Variants in DNAI7 observed in about 807,000 individuals in gnomAD.
The protein encoded by DNAI7 is dynein axonemal intermediate chain 7.
Under a neutral mutation model 86.6 loss-of-function variants are expected in DNAI7, and 78 were observed. The observed-to-expected ratio is 0.90, with a 90% CI of 0.75 to 1.09. DNAI7 has a LOEUF of 1.09. Ranked by LOEUF, DNAI7 falls within the 50% of genes least tolerant of loss-of-function variation. The pLI, the probability that DNAI7 is intolerant of heterozygous loss-of-function variation, is 0.00. For synonymous variants in DNAI7, 274 were observed against 273.0 expected, an observed-to-expected ratio of 1.00 and a Z score of -0.04; for missense variants, 753 against 810.2, an observed-to-expected ratio of 0.93 and a Z score of 0.86.
intron 2 of DNAI7, among the ~76,000 whole-genome samples, chr12:25,169,382 T>G (rs1947868694): frequency 6.6e-6 from 1 of 152,156 alleles, no homozygotes. Context: ...TACCCAAATC[T>G]TATAAAACGG....
At chr12:25,152,862 G>C (rs1049448242) in intron 6 of DNAI7, among the ~76,000 whole-genome samples, 1 of 152,186 alleles carries the variant, frequency 6.6e-6, no homozygotes, top group East Asian at 1.9e-4. Context: ...GGTGTCAGAA[G>C]TGTTAAAAGT....
intron 7 of DNAI7, among the ~76,000 whole-genome samples, chr12:25,147,833 G>A (rs980420212): frequency 2.6e-5 from 4 of 152,032 alleles, no homozygotes; most frequent in South Asian, 2.1e-4. Context: ...ACCTATCTCC[G>A]AACACACCAA....
Position 25,154,429 on chromosome 12 carries a change from T to C in DNAI7, c.328A>G (p.Ser110Gly), listed in dbSNP as rs1415145862. ...QWKHYIQCDG[S>G]PDPSVAQEMN... The stretch of plus-strand genomic sequence containing the variant: ...TCTTGGGCTACTGAAGGATCAGGAC[T>C]CCCATCACATTGAATGTAGTGCTTC... The change falls in exon 6 of 16, where the codon AGT becomes GGT. Residue 110 changes from serine (S) to glycine (G), a missense_variant. Transcript: ENST00000395987. 6.2e-7 allele frequency: 1 copy of C among 1,609,972 alleles called. No individual in the cohort carries two copies. The highest frequency in any genetic ancestry group is 1.3e-5 in the African/African-American group (1 of 74,746).
chr12:25,155,204 T>A (rs1592478844), intron 5 of DNAI7, 107 bp downstream of exon 5: 1 of 546,376 alleles, frequency 1.8e-6, no homozygotes, highest in Non-Finnish European at 3.2e-6. Context: ...GATGAGAGGG[T>A]TTTTTAAAAC....
Position 25,111,446 on chromosome 12 carries a change from T to C in DNAI7, c.1779+326A>G, listed in dbSNP as rs534501356. On this transcript the variant is annotated intron_variant, in intron 14 of 15. Coordinates refer to ENST00000395987, the MANE Select transcript of DNAI7 (RefSeq NM_018272.5). ...ACTTACCATGTTTGGGAAAGTGCAG[T>C]TATTTACTCTTTTAGGAAATCTCAT... 4.0e-4 allele frequency among the ~76,000 whole-genome samples: 61 copies of C among 152,344 alleles called. 1 individual carries two copies. Among genetic ancestry groups the C allele is most frequent in the African/African-American group, 1.4e-3 (57 of 41,588 alleles).
intron 9 of DNAI7, among the ~76,000 whole-genome samples, chr12:25,139,004 A>G (rs1008300952): frequency 6.6e-6 from 1 of 152,140 alleles, no homozygotes; most frequent in Non-Finnish European, 1.5e-5. Flanking sequence ...AATAAACTCA[A>G]TTAGAAACAA....
chr12:25,110,705 C>T (rs74073307), intron 14 of DNAI7, among the ~76,000 whole-genome samples: 4,183 of 152,292 alleles, frequency 0.027, 196 homozygotes, highest in African/African-American at 0.091. Context: ...CCCTGACACC[C>T]TATTTAATAT....
At chr12:25,192,836 A>AT (rs2141418279) in intron 1 of DNAI7, 1 of 149,290 alleles carries the variant, frequency 6.7e-6, no homozygotes, top group South Asian at 2.1e-4. Flanking sequence ...TCTGCCTCAA[A>AT]AAAAAAAAAA....
At chr12:25,154,575 A>C in intron 5 of DNAI7, 119 bp from the exon 6 acceptor site, 2 of 948,044 alleles carry the variant, frequency 2.1e-6, no homozygotes, top group Non-Finnish European at 3.2e-6. Context: ...TAAAAACATG[A>C]TGGCTTTAAC....
chr12:25,177,379 T>C (rs904498779), intron 2 of DNAI7, among the ~76,000 whole-genome samples: 3 of 152,184 alleles, frequency 2.0e-5, no homozygotes, highest in African/African-American at 7.2e-5. Context: ...ACTTTGTCTA[T>C]ATGAGTTTGA....
At chr12:25,123,369 C>T (rs1404467705) in intron 9 of DNAI7, 83 bp from the exon 10 acceptor site, 2 of 802,826 alleles carry the variant, frequency 2.5e-6, no homozygotes, top group Non-Finnish European at 1.9e-6. Context: ...GTCCTCACTT[C>T]AGATGCCTGC....
intron 9 of DNAI7, among the ~76,000 whole-genome samples, chr12:25,125,653 C>A (rs189603121): frequency 5.9e-5 from 9 of 152,060 alleles, no homozygotes; most frequent in African/African-American, 1.9e-4. Context: ...GTTGCAATTG[C>A]GTTTGGTGCC....
chr12:25,171,409 C>T (rs1948116267), intron 2 of DNAI7, among the ~76,000 whole-genome samples: 1 of 152,042 alleles, frequency 6.6e-6, no homozygotes, highest in Non-Finnish European at 1.5e-5. Flanking sequence ...TACAACCCTC[C>T]TACCTTAAAT....
At position 25,195,146 on chromosome 12, in the gene DNAI7, G is replaced by A; in HGVS notation, c.-68C>T. On this transcript the variant is annotated 5_prime_UTR_variant, in exon 1 of 16. Transcript: ENST00000395987. ...GAAATTGTGTGGACAAACGCTCCCG[G>A]GTTGCCCGGACGACAGGCCCCGCCC... 6.4e-7 allele frequency: 1 copy of A among 1,558,338 alleles called. No individual in the cohort carries two copies. The highest frequency in any genetic ancestry group is 2.2e-5 in the East Asian group (1 of 44,626).
At chr12:25,154,632 A>G (rs12426684) in intron 5 of DNAI7, among the ~76,000 whole-genome samples, 176 bp from the exon 6 acceptor site, 17,442 of 152,218 alleles carry the variant, frequency 0.11, 1,327 homozygotes, top group Admixed American at 0.16. Flanking sequence ...TCTTTATCCA[A>G]GTAACTTCTA....
Position 25,192,038 on chromosome 12 carries a change from G to A in DNAI7, c.4-1407C>T, listed in dbSNP as rs577672387. Among the ~76,000 whole-genome samples, 5 of 152,322 alleles carry A rather than the reference G, an allele frequency of 3.3e-5. No homozygotes were observed. The East Asian group carries it at 9.6e-4, about 29-fold the overall frequency. ...ACATATCAGTAGATTCCATCTTCTT[G>A]AAGAGTGCATATATTACACTAATTC... On this transcript the variant is annotated intron_variant, in intron 1 of 15. Transcript: ENST00000395987.
chr12:25,175,795 G>A (rs1322869724), intron 2 of DNAI7, among the ~76,000 whole-genome samples: 1 of 151,898 alleles, frequency 6.6e-6, no homozygotes, highest in Non-Finnish European at 1.5e-5. Context: ...ATATCCAATA[G>A]AAGGCTGGGT....
rs773081123 is a variant in DNAI7, at chr12:25,149,793, T to A, written c.439-19A>T. 7.2e-7 allele frequency: 1 copy of A among 1,396,686 alleles called. No homozygotes were observed. Among genetic ancestry groups the A allele is most frequent in the Non-Finnish European group, 1.0e-6 (1 of 997,264 alleles). 86.5% of individuals were successfully genotyped at this position (1,396,686 alleles called of 1,614,324 possible). A position where few individuals can be genotyped will look rare whatever the true frequency, so the allele number is the denominator to read the frequency against. On this transcript the variant is annotated intron_variant, in intron 6 of 15. Coordinates refer to ENST00000395987, the MANE Select transcript of DNAI7 (RefSeq NM_018272.5). ...CAATTAACTGTAAAGTAAAAGAATA[T>A]TTGCATTAATTCTCAGAGAAATAGT...
chr12:25,107,713 T>C (rs763465272), downstream of DNAI7: 25 of 1,086,256 alleles, frequency 2.3e-5, no homozygotes, highest in East Asian at 1.4e-4. Context: ...AAAGGCAGTT[T>C]TGGGGGTATG....
Sources: gnomAD v4.1 joint callset for allele counts (sites outside exome capture counted in the v4.1 genomes callset) on GRCh38, gnomAD v4.1.1 for gene constraint, MANE v1.5 for transcripts, NCBI Gene and HGNC (gene_info 2026-07-23, HGNC 2026-07-21) for gene names.